The following HCN1 variants were observed in gnomAD, a reference collection of about 807,000 sequenced individuals.
HCN1 encodes hyperpolarization activated cyclic nucleotide gated potassium channel 1, also known as potassium/sodium hyperpolarization-activated cyclic nucleotide-gated channel 1.
A neutral mutation model predicts 78.9 loss-of-function variants in HCN1; 13 were observed. The observed-to-expected ratio is 0.16, with a 90% CI of 0.11 to 0.26. The LOEUF is 0.26. Ranked by LOEUF, HCN1 falls within the 10% of genes least tolerant of loss-of-function variation. HCN1 has a pLI of 1.00. For synonymous variants in HCN1, 552 were observed against 455.5 expected (o/e 1.21, Z -2.70); for missense variants, 810 against 1,154.3 (o/e 0.70, Z 4.32).
At chr5:45,371,778 T>A (rs963850739) in intron 4 of HCN1, among the ~76,000 whole-genome samples, 4 of 141,448 alleles carry the variant, frequency 2.8e-5, no homozygotes, top group East Asian at 4.0e-4. Context: ...TATATATATA[T>A]ATGTACACAC....
intron 4 of HCN1, among the ~76,000 whole-genome samples, chr5:45,373,396 A>ATG (rs1747477655): frequency 9.3e-6 from 1 of 107,730 alleles, no homozygotes; most frequent in African/African-American, 4.8e-5. Flanking sequence ...ATGTAAATAT[A>ATG]TATTATATAA....
At chr5:45,314,743 A>T (rs996582598) in intron 5 of HCN1, among the ~76,000 whole-genome samples, 5 of 152,210 alleles carry the variant, frequency 3.3e-5, no homozygotes, top group African/African-American at 4.8e-5. Flanking sequence ...TAGAAAACAA[A>T]AAAAGGCAGG....
At chr5:45,584,639 A>T (rs1744165506) in intron 2 of HCN1, among the ~76,000 whole-genome samples, 1 of 152,062 alleles carries the variant, frequency 6.6e-6, no homozygotes, top group Admixed American at 6.5e-5. Context: ...GGTCTTTACA[A>T]TTTGGCATGT....
At chr5:45,337,023 TA>T (rs1306090298) in intron 5 of HCN1, among the ~76,000 whole-genome samples, 2 of 151,942 alleles carry the variant, frequency 1.3e-5, no homozygotes, top group Non-Finnish European at 2.9e-5. Flanking sequence ...AGTAGCAATA[TA>T]AAAGAAAAAC....
At chr5:45,689,063 T>G (rs2112099969) in intron 1 of HCN1, among the ~76,000 whole-genome samples, 1 of 152,124 alleles carries the variant, frequency 6.6e-6, no homozygotes, top group Admixed American at 6.6e-5. Context: ...TAAAATTGAT[T>G]GTGGTGATGG....
chr5:45,266,310 TGA>T (rs1744854964), intron 7 of HCN1, among the ~76,000 whole-genome samples: 1 of 152,164 alleles, frequency 6.6e-6, no homozygotes, highest in African/African-American at 2.4e-5. Flanking sequence ...TTTTTCTGCT[TGA>T]GTCTATATTA....
intron 6 of HCN1, among the ~76,000 whole-genome samples, chr5:45,268,960 T>A (rs1744911318): frequency 6.6e-6 from 1 of 152,236 alleles, no homozygotes; most frequent in Non-Finnish European, 1.5e-5. Flanking sequence ...TGCCATATAA[T>A]TATAATTTAT....
chr5:45,309,521 T>A (rs1184731915), intron 5 of HCN1, among the ~76,000 whole-genome samples: 1 of 152,174 alleles, frequency 6.6e-6, no homozygotes, highest in Non-Finnish European at 1.5e-5. Flanking sequence ...ATGGCTCTTA[T>A]TATTTTGAGG....
At chr5:45,461,344 A>G (rs554763926) in intron 3 of HCN1, among the ~76,000 whole-genome samples, 1 of 152,040 alleles carries the variant, frequency 6.6e-6, no homozygotes, top group Non-Finnish European at 1.5e-5. Flanking sequence ...TTTTCCCCGA[A>G]GTTTTCCTTA....
At chr5:45,632,789 CAACA>C (rs1199532224) in intron 2 of HCN1, among the ~76,000 whole-genome samples, 1 of 151,982 alleles carries the variant, frequency 6.6e-6, no homozygotes, top group Non-Finnish European at 1.5e-5. Flanking sequence ...ACAATAGCCA[CAACA>C]GACACAGGTG....
chr5:45,468,725 G>A (rs955066069), intron 2 of HCN1, among the ~76,000 whole-genome samples: 44 of 152,070 alleles, frequency 2.9e-4, no homozygotes, highest in African/African-American at 1.0e-3. Flanking sequence ...ATCAACAAAT[G>A]GGAAACTTAA....
chr5:45,387,465 A>T (rs909152511), intron 4 of HCN1, among the ~76,000 whole-genome samples: 20 of 152,104 alleles, frequency 1.3e-4, no homozygotes, highest in African/African-American at 4.3e-4. Context: ...TACATACTGA[A>T]TTTTTTTTAA....
intron 2 of HCN1, among the ~76,000 whole-genome samples, chr5:45,532,770 G>A (rs1233632504): frequency 6.6e-6 from 1 of 152,142 alleles, no homozygotes; most frequent in Non-Finnish European, 1.5e-5. Flanking sequence ...TTGAACCAGT[G>A]TACAGTATTC....
intron 6 of HCN1, among the ~76,000 whole-genome samples, chr5:45,297,464 A>G (rs1745521864): frequency 1.3e-5 from 2 of 152,124 alleles, no homozygotes. Flanking sequence ...CCCAACATCA[A>G]TTATTCTATG....
intron 5 of HCN1, among the ~76,000 whole-genome samples, chr5:45,344,317 T>A (rs1016780380): frequency 6.6e-6 from 1 of 152,036 alleles, no homozygotes; most frequent in Non-Finnish European, 1.5e-5. Context: ...GAGATTTGGG[T>A]GGGAACAGAG....
chr5:45,676,195 G>A (rs1225277436), intron 1 of HCN1, among the ~76,000 whole-genome samples: 2 of 151,626 alleles, frequency 1.3e-5, no homozygotes, highest in Non-Finnish European at 3.0e-5. Flanking sequence ...TGTCACTTAA[G>A]CTTTTCCAGT....
chr5:45,303,460 T>C (rs1745668404), intron 6 of HCN1, 139 bp downstream of exon 6: 1 of 803,220 alleles, frequency 1.2e-6, no homozygotes, highest in Non-Finnish European at 2.1e-6. Flanking sequence ...GAAAACACTG[T>C]TATAGACACT....
chr5:45,631,649 G>A lies in HCN1; in HGVS notation c.849+13536C>T, dbSNP rs190159897. 3.6e-3 allele frequency among the ~76,000 whole-genome samples: 545 copies of A among 152,106 alleles called. 1 individual carries two copies. Among genetic ancestry groups the A allele is most frequent in the Admixed American group, 4.8e-3 (73 of 15,248 alleles). On this transcript the variant is annotated intron_variant, in intron 2 of 7. Transcript: ENST00000303230. ...GTGGATCAAGATTTCTAAAAACTCTGGGAAAACACTCCAAGGAAACTCTCT... is the reference window on the plus strand; with the variant it reads ...GTGGATCAAGATTTCTAAAAACTCTAGGAAAACACTCCAAGGAAACTCTCT...
At chr5:45,295,167 C>T (rs998537948) in intron 6 of HCN1, among the ~76,000 whole-genome samples, 2 of 151,968 alleles carry the variant, frequency 1.3e-5, no homozygotes, top group East Asian at 1.9e-4. Context: ...GCTCTTTATG[C>T]CCATTCACCA....
Sources: allele counts gnomAD v4.1 joint callset (sites outside exome capture counted in the v4.1 genomes callset), GRCh38; gene constraint gnomAD v4.1.1; transcripts MANE v1.5; gene names NCBI Gene and HGNC (gene_info 2026-07-23, HGNC 2026-07-21).